The following GJC1 variants were observed in gnomAD, a reference collection of about 807,000 sequenced individuals.
GJC1 encodes the protein gap junction protein gamma 1, also known as gap junction gamma-1 protein.
Under a neutral mutation model 29.3 loss-of-function variants are expected in GJC1, and 5 were observed. The ratio of observed to expected loss-of-function variants is 0.17; its 90% CI spans 0.09 to 0.36. The LOEUF (loss-of-function observed/expected upper bound fraction) is 0.36, where lower values mean the gene tolerates loss of function less well. GJC1 is among the 10% of genes least tolerant of loss of function. The pLI, the probability that GJC1 is intolerant of heterozygous loss-of-function variation, is 1.00. For synonymous variants in GJC1, 177 were observed against 183.3 expected, an observed-to-expected ratio of 0.97 and a Z score of 0.28; for missense variants, 310 against 496.2, an observed-to-expected ratio of 0.62 and a Z score of 3.56.
chr17:44,813,310 G>A (rs1252126295), intron 1 of GJC1: 3 of 151,352 alleles, frequency 2.0e-5, no homozygotes, highest in South Asian at 4.2e-4. Context: ...TTCACCCTTC[G>A]GCTTCCCAAA....
rs1003546742 is a variant in GJC1, at chr17:44,799,994, A to G, written c.*4633T>C. On this transcript the variant is annotated 3_prime_UTR_variant, in exon 3 of 3. Transcript: ENST00000592524. ...TTAAACACTTCATGATGTGGCCGGA[A>G]TGAGTACAAGTATGCAATTCAATGA... 6.6e-6 allele frequency: 1 copy of G among 152,236 alleles called. No individual in the cohort carries two copies. Among genetic ancestry groups the G allele is most frequent in the African/African-American group, 2.4e-5 (1 of 41,462 alleles). The allele number at this position is 152,236 out of a possible 1,614,324, so 9.4% of individuals were successfully genotyped here. A position where few individuals can be genotyped will look rare whatever the true frequency, so the allele number is the denominator to read the frequency against.
chr17:44,829,145 T>A (rs1469238233), intron 1 of GJC1, among the ~76,000 whole-genome samples: 1 of 151,554 alleles, frequency 6.6e-6, no homozygotes, highest in Admixed American at 6.6e-5. Flanking sequence ...CATAATGAAA[T>A]CGGTATCACT....
At position 44,806,091 on chromosome 17, in the gene GJC1, T is replaced by C. The variant is rs58501532; in HGVS notation, c.-20-254A>G. Among the ~76,000 whole-genome samples the C allele has an allele frequency of 2.5e-3, 388 of 152,202 alleles. 1 individual carries two copies. Among genetic ancestry groups the C allele is most frequent in the African/African-American group, 8.6e-3 (358 of 41,532 alleles). On this transcript the variant is annotated intron_variant, in intron 2 of 2. Coordinates refer to ENST00000592524, the MANE Select transcript of GJC1 (RefSeq NM_005497.4). Reference sequence around the variant, plus strand: ...GAGTTAAAGACCAGCCTGGTCAACATGGTGAAACTCCGTCTCTACAAAAAT... The same window carrying C: ...GAGTTAAAGACCAGCCTGGTCAACACGGTGAAACTCCGTCTCTACAAAAAT...
chr17:44,802,525 T>C lies in GJC1; in HGVS notation c.*2102A>G, dbSNP rs2049862142. ...CATTTGATTTGAAGGAAACTGTGCA[T>C]GTCTATTAATTACCCATGAGGTACA... On this transcript the variant is annotated 3_prime_UTR_variant, in exon 3 of 3. Coordinates refer to ENST00000592524, the MANE Select transcript of GJC1 (RefSeq NM_005497.4). 2.6e-5 allele frequency: 4 copies of C among 152,218 alleles called. No homozygotes were observed. 9.4% of individuals were successfully genotyped at this position (152,218 alleles called of 1,614,324 possible). A position where few individuals can be genotyped will look rare whatever the true frequency, so the allele number is the denominator to read the frequency against.
At position 44,805,910 on chromosome 17, in the gene GJC1, T is replaced by A. The variant is rs916374191; in HGVS notation, c.-20-73A>T. 3 of 712,766 alleles carry A rather than the reference T, an allele frequency of 4.2e-6. No homozygotes were observed. Among genetic ancestry groups the A allele is most frequent in the Non-Finnish European group, 7.0e-6 (3 of 430,940 alleles). The allele number at this position is 712,766 out of a possible 1,614,324, so 44.2% of individuals were successfully genotyped here. On this transcript the variant is annotated intron_variant, in intron 2 of 2. Coordinates refer to ENST00000592524, the MANE Select transcript of GJC1 (RefSeq NM_005497.4). The surrounding 1 kb of genome is among the most constrained non-coding windows in gnomAD (Gnocchi z 5.1). ...CTTAATTTAATTACTAATTATGATA[T>A]CTCTAGGAACTACTGCTTTGAATAC...
intron 1 of GJC1, among the ~76,000 whole-genome samples, chr17:44,820,591 C>A (rs567616839): frequency 1.3e-5 from 2 of 152,122 alleles, no homozygotes; most frequent in African/African-American, 2.4e-5. Flanking sequence ...ACTTCCCAAA[C>A]GATCATTTCA....
intron 1 of GJC1, among the ~76,000 whole-genome samples, chr17:44,823,412 C>T (rs1334861804): frequency 6.6e-6 from 1 of 151,416 alleles, no homozygotes; most frequent in African/African-American, 2.4e-5. Flanking sequence ...CCACCAGGCC[C>T]AGCTAATTTT....
chr17:44,813,013 C>T (rs960274007), intron 1 of GJC1: 2 of 152,144 alleles, frequency 1.3e-5, no homozygotes, highest in Admixed American at 6.6e-5. Context: ...CAACTTAACT[C>T]CAACATCTCA....
intron 1 of GJC1, among the ~76,000 whole-genome samples, chr17:44,827,840 G>A (rs2050192925): frequency 6.6e-6 from 1 of 150,924 alleles, no homozygotes; most frequent in Non-Finnish European, 1.5e-5. Context: ...CTCTAGCCTG[G>A]GCGACAGAGC....
At chr17:44,808,461 A>ACACACG (rs2049936922) in intron 1 of GJC1, among the ~76,000 whole-genome samples, 1 of 147,082 alleles carries the variant, frequency 6.8e-6, no homozygotes, top group African/African-American at 2.5e-5. Context: ...ACACACACAC[A>ACACACG]CGGCCCAGCA....
downstream of GJC1, among the ~76,000 whole-genome samples, chr17:44,795,991 G>C (rs1290342665): frequency 6.6e-6 from 1 of 152,226 alleles, no homozygotes. Context: ...GAGTCCGGCC[G>C]CTTGGCGGCC....
chr17:44,795,362 T>C (rs1412210577), downstream of GJC1, among the ~76,000 whole-genome samples: 1 of 113,092 alleles, frequency 8.8e-6, no homozygotes, highest in Non-Finnish European at 1.9e-5. Context: ...GCCTCCCGAG[T>C]AGCTGGGATT....
intron 1 of GJC1, chr17:44,829,618 G>C (rs988532409): frequency 6.6e-6 from 1 of 152,098 alleles, no homozygotes; most frequent in Non-Finnish European, 1.5e-5. Flanking sequence ...GGGAGACAAA[G>C]AGCAGCCCGC....
In GJC1 at chr17:44,805,226, G is replaced by T; in HGVS notation, c.592C>A (p.Leu198Met). ...AACGGGTGGACTTGGAAGCCATACA[G>T]AAAATACTGCCCTATCAGAAAACCC... ...EVGFLIGQYF[L>M]YGFQVHPFYV... Residue 198 changes from leucine to methionine, a missense_variant, in exon 3 of 3, where the codon CTG (leucine) becomes ATG (methionine). Leu to Met is a conservative substitution (Grantham distance 15, BLOSUM62 2). Coordinates refer to ENST00000592524, the MANE Select transcript of GJC1 (RefSeq NM_005497.4). This position sits in a 1 kb window ranked among gnomAD's most constrained non-coding sequence, Gnocchi z 5.1. 1 of 1,614,126 alleles carries T rather than the reference G, an allele frequency of 6.2e-7. No individual in the cohort carries two copies. Among genetic ancestry groups the T allele is most frequent in the Non-Finnish European group, 8.5e-7 (1 of 1,180,016 alleles).
chr17:44,794,947 G>C (rs1025246299), downstream of GJC1: 1 of 152,180 alleles, frequency 6.6e-6, no homozygotes, highest in East Asian at 1.9e-4. Context: ...AGCACGTCAA[G>C]GGCAGGGCAA....
chr17:44,809,994 G>T (rs1302685865), intron 1 of GJC1, among the ~76,000 whole-genome samples: 1 of 151,990 alleles, frequency 6.6e-6, no homozygotes, highest in African/African-American at 2.4e-5. Context: ...GAGCAGCTGG[G>T]ACAACAGGCA....
At chr17:44,809,765 T>C (rs2049952904) in intron 1 of GJC1, among the ~76,000 whole-genome samples, 1 of 151,848 alleles carries the variant, frequency 6.6e-6, no homozygotes, top group Non-Finnish European at 1.5e-5. Flanking sequence ...AGACGGGGTT[T>C]CTCCATGTTG....
At chr17:44,796,973 A>G (rs910052057), downstream of GJC1, among the ~76,000 whole-genome samples, 10 of 152,086 alleles carry the variant, frequency 6.6e-5, no homozygotes, top group Non-Finnish European at 1.0e-4. Flanking sequence ...CAGCCTCCCA[A>G]GGAGCTCGGA....
chr17:44,795,933 G>A (rs1281877047), downstream of GJC1, among the ~76,000 whole-genome samples: 4 of 152,238 alleles, frequency 2.6e-5, no homozygotes, highest in East Asian at 1.9e-4. Context: ...TTGAGTGGAA[G>A]TAGCTCTCAG....
Sources: allele counts gnomAD v4.1 joint callset (sites outside exome capture counted in the v4.1 genomes callset), GRCh38; gene constraint gnomAD v4.1.1; non-coding constraint Gnocchi (gnomAD v3.1); transcripts MANE v1.5; gene names NCBI Gene and HGNC (gene_info 2026-07-23, HGNC 2026-07-21).